ABR: variants seen among roughly 807,000 people sequenced by gnomAD.
The protein encoded by ABR is active breakpoint cluster region-related protein.
ABR carries 35 observed loss-of-function variants against 107.2 expected under a neutral mutation model. The observed-to-expected ratio is 0.33, with a 90% CI of 0.25 to 0.43. The LOEUF is 0.43. Among genes scored for constraint, ABR ranks in the 20% least tolerant of loss-of-function variants. The probability of loss-of-function intolerance (pLI) is 1.00; values close to 1 mark genes in which losing one functional copy is unlikely to be tolerated. For missense variants in ABR, 815 were observed against 1,115.2 expected, an observed-to-expected ratio of 0.73 and a Z score of 3.83; for synonymous variants, 498 against 462.0, an observed-to-expected ratio of 1.08 and a Z score of -1.00.
chr17:1,100,923 C>T (rs2037822208), intron 2 of ABR, 188 bp from the exon 3 acceptor site: 1 of 598,688 alleles, frequency 1.7e-6, no homozygotes, highest in Non-Finnish European at 3.0e-6. Context: ...TCCCGGGTTC[C>T]AGTGATTCCC....
intron 1 of ABR, among the ~76,000 whole-genome samples, chr17:1,159,823 A>C (rs181035041): frequency 1.4e-4 from 21 of 152,214 alleles, no homozygotes; most frequent in African/African-American, 5.1e-4. Context: ...TAATCTTCAG[A>C]ATCCCTTCCA....
Position 1,028,871 on chromosome 17 carries a change from T to C in ABR, c.1792-15707A>G, listed in dbSNP as rs543094885. On this transcript the variant is annotated intron_variant, in intron 16 of 22. Transcript: ENST00000302538. ...CTCAACTTCCCCGACAGACAAATGC[T>C]TCTGGACCGGCCTCCCTTCAGGCCC... 2.6e-5 allele frequency among the ~76,000 whole-genome samples: 4 copies of C among 152,188 alleles called. No individual in the cohort carries two copies. In the East Asian group the frequency reaches 7.7e-4, roughly 29 times the overall value.
At chr17:1,224,876 G>A (rs899207752) in intron 1 of ABR, among the ~76,000 whole-genome samples, 4 of 151,946 alleles carry the variant, frequency 2.6e-5, no homozygotes, top group Non-Finnish European at 5.9e-5. Context: ...CTCACCGGGT[G>A]CGGTGGCTCA....
intron 1 of ABR, among the ~76,000 whole-genome samples, chr17:1,156,914 C>T (rs757553922): frequency 1.2e-4 from 19 of 152,246 alleles, no homozygotes; most frequent in Non-Finnish European, 2.4e-4. Flanking sequence ...TCCTTTTAGC[C>T]GAGGGTTTTG....
At position 1,007,151 on chromosome 17, in the gene ABR, C is replaced by T. The variant is rs202098552; in HGVS notation, c.2490+14G>A. On this transcript the variant is annotated intron_variant, in intron 22 of 22. Transcript: ENST00000302538. ...ACCCTCCGCCAGCCACGGGCCCGGG[C>T]GGTGCCAGGGTACCTGCGCCATGAC... is the stretch of plus-strand genomic sequence containing the variant. 856 of 1,598,456 alleles carry T rather than the reference C, an allele frequency of 5.4e-4. 8 individuals carry two copies. The highest frequency in any genetic ancestry group is 6.6e-4 in the Non-Finnish European group (775 of 1,171,874).
intron 16 of ABR, among the ~76,000 whole-genome samples, chr17:1,014,961 C>T (rs1200421965): frequency 6.6e-6 from 1 of 152,166 alleles, no homozygotes; most frequent in Non-Finnish European, 1.5e-5. Flanking sequence ...AGAATGTTGT[C>T]CTAGTTTATA....
chr17:1,007,444 A>C, intron 21 of ABR, 132 bp from the exon 22 acceptor site: 2 of 1,080,746 alleles, frequency 1.9e-6, no homozygotes, highest in East Asian at 2.5e-5. Flanking sequence ...GTCTCCTAGG[A>C]GTGGGGACCT....
At chr17:1,047,814 G>A (rs149719988) in intron 16 of ABR, among the ~76,000 whole-genome samples, 91 of 152,180 alleles carry the variant, frequency 6.0e-4, no homozygotes, top group Non-Finnish European at 7.8e-4. Flanking sequence ...TGTTTCCCCC[G>A]GGGCTTGTGC....
Position 1,200,207 on chromosome 17 carries a change from A to T in ABR, c.838+28586T>A, listed in dbSNP as rs937024353. 6.6e-6 allele frequency among the ~76,000 whole-genome samples: 1 copy of T among 152,090 alleles called. No homozygotes were observed. Among genetic ancestry groups the T allele is most frequent in the Admixed American group, 6.6e-5 (1 of 15,250 alleles). ...TAATACAGCATAACAACCACATAGC[A>T]TTTGCAATGTATTAGGTATTAAAAA... On this transcript the variant is annotated intron_variant, in intron 1 of 22. Coordinates refer to the ABR transcript ENST00000574139. This position sits in a 1 kb window ranked among gnomAD's most constrained non-coding sequence, Gnocchi z 4.1.
chr17:1,103,289 G>A lies in ABR; in HGVS notation c.247-2554C>T, dbSNP rs539494520. 1.2e-4 allele frequency among the ~76,000 whole-genome samples: 18 copies of A among 152,006 alleles called. No homozygotes were observed. The South Asian group carries it at 3.3e-3, about 28-fold the overall frequency. Reference sequence around the variant, plus strand: ...GAGGCCTGCACAGCCTCCAGCACACGTAGCCCCGGGGGACAAGATCAGAGC... The same window carrying A: ...GAGGCCTGCACAGCCTCCAGCACACATAGCCCCGGGGGACAAGATCAGAGC... On this transcript the variant is annotated intron_variant, in intron 2 of 22. Transcript: ENST00000302538.
At chr17:1,184,482 G>T (rs761129623), upstream of ABR, among the ~76,000 whole-genome samples, 2 of 152,032 alleles carry the variant, frequency 1.3e-5, no homozygotes, top group African/African-American at 2.4e-5. Flanking sequence ...AACCAGGACT[G>T]CATCTTCCTC....
chr17:1,056,715 G>C (rs2033317497), intron 13 of ABR, among the ~76,000 whole-genome samples: 1 of 152,036 alleles, frequency 6.6e-6, no homozygotes. Context: ...TTATCTACCG[G>C]GTCTGCTCTC....
At chr17:1,168,281 C>T (rs1403113773) in intron 1 of ABR, among the ~76,000 whole-genome samples, 3 of 152,080 alleles carry the variant, frequency 2.0e-5, no homozygotes, top group African/African-American at 7.2e-5. Context: ...GCCTGGGCGA[C>T]AAGAGCGAGA....
intron 1 of ABR, among the ~76,000 whole-genome samples, chr17:1,225,836 G>A (rs1442673806): frequency 1.3e-5 from 2 of 152,152 alleles, no homozygotes; most frequent in East Asian, 1.9e-4. Context: ...GTTTACAGAT[G>A]AGGGGACTCA....
At chr17:1,042,624 A>G (rs1171098026) in intron 16 of ABR, among the ~76,000 whole-genome samples, 1 of 151,840 alleles carries the variant, frequency 6.6e-6, no homozygotes, top group Non-Finnish European at 1.5e-5. Context: ...CGTGGCACCT[A>G]CATCCACGGA....
intron 16 of ABR, among the ~76,000 whole-genome samples, chr17:1,020,572 G>A (rs1233849863): frequency 3.3e-5 from 5 of 152,232 alleles, no homozygotes; most frequent in Non-Finnish European, 4.4e-5. Flanking sequence ...GAGCAGGAGT[G>A]AAGACCCGAA....
At position 1,113,277 on chromosome 17, in the gene ABR, G is replaced by GGTTTTT. The variant is rs1416563541; in HGVS notation, c.246+11905_246+11906insAAAAAC. On this transcript the variant is annotated intron_variant, in intron 2 of 22. Coordinates refer to ENST00000302538, the MANE Select transcript of ABR (RefSeq NM_021962.5). The stretch of plus-strand genomic sequence containing the variant: ...GGGATAACATGGAAACACCTATTGC[G>GGTTTTT]ATTTTTTTTTTTTTTTTTTTTTTTT... Among the ~76,000 whole-genome samples the GGTTTTT allele has an allele frequency of 2.5e-3, 222 of 88,176 alleles. 62 individuals carry two copies. The highest frequency in any genetic ancestry group is 3.7e-3 in the Admixed American group (30 of 8,078). The allele number at this position is 88,176 out of a possible 152,430, so 57.8% of individuals were successfully genotyped here.
intron 1 of ABR, among the ~76,000 whole-genome samples, chr17:1,147,921 C>T (rs2040621791): frequency 6.6e-6 from 1 of 152,206 alleles, no homozygotes; most frequent in African/African-American, 2.4e-5. Flanking sequence ...GGTGGAATGT[C>T]TTCCAGCAAG....
intron 1 of ABR, among the ~76,000 whole-genome samples, chr17:1,217,718 G>A (rs148083316): frequency 0.045 from 6,883 of 152,130 alleles, 201 homozygotes; most frequent in Non-Finnish European, 0.072. Context: ...TTTTTGAGAC[G>A]GAGTCTTGCT....
Sources: allele counts gnomAD v4.1 joint callset (sites outside exome capture counted in the v4.1 genomes callset), GRCh38; gene constraint gnomAD v4.1.1; non-coding constraint Gnocchi (gnomAD v3.1); transcripts MANE v1.5; gene names NCBI Gene and HGNC (gene_info 2026-07-23, HGNC 2026-07-21).